Variants in PRTG observed in about 807,000 individuals in gnomAD.
PRTG encodes the protein protogenin.
Under a neutral mutation model 122.5 loss-of-function variants are expected in PRTG, and 67 were observed. The ratio of observed to expected loss-of-function variants is 0.55; its 90% CI spans 0.45 to 0.67. The LOEUF (loss-of-function observed/expected upper bound fraction) is 0.67. Among genes scored for constraint, PRTG ranks in the 30% least tolerant of loss-of-function variants. The pLI, the probability that PRTG is intolerant of heterozygous loss-of-function variation, is 0.00. For synonymous variants in PRTG, 554 were observed against 501.1 expected, an observed-to-expected ratio of 1.11 and a Z score of -1.41; for missense variants, 1,435 against 1,415.4, an observed-to-expected ratio of 1.01 and a Z score of -0.22.
At chr15:55,682,677 G>A (rs1411060648) in intron 3 of PRTG, among the ~76,000 whole-genome samples, 180 bp from the exon 4 acceptor site, 3 of 151,696 alleles carry the variant, frequency 2.0e-5, no homozygotes, top group Non-Finnish European at 2.9e-5. Context: ...CGATTCTCCC[G>A]CCTCAGCCTA....
intron 11 of PRTG, among the ~76,000 whole-genome samples, chr15:55,667,016 A>G (rs1388524231): frequency 6.6e-6 from 1 of 152,168 alleles, no homozygotes; most frequent in Non-Finnish European, 1.5e-5. Flanking sequence ...ATAATAGAAC[A>G]TTGTAAATGA....
chr15:55,639,299 C>T (rs2059276218), intron 13 of PRTG, among the ~76,000 whole-genome samples: 1 of 152,136 alleles, frequency 6.6e-6, no homozygotes, highest in African/African-American at 2.4e-5. Context: ...AACAGAAAGA[C>T]AACTGGCCCT....
intron 11 of PRTG, among the ~76,000 whole-genome samples, chr15:55,648,990 G>T (rs1482420521): frequency 2.6e-5 from 4 of 151,734 alleles, no homozygotes; most frequent in Admixed American, 2.0e-4. Flanking sequence ...CCAGCTACAC[G>T]GGAGGCCAAC....
At chr15:55,724,212 G>A (rs1447185512) in intron 2 of PRTG, among the ~76,000 whole-genome samples, 1 of 152,008 alleles carries the variant, frequency 6.6e-6, no homozygotes, top group Non-Finnish European at 1.5e-5. Flanking sequence ...ATGTCTGTTC[G>A]ATCTGTTATT....
At chr15:55,644,531 G>T (rs964702011) in intron 11 of PRTG, among the ~76,000 whole-genome samples, 7 of 152,068 alleles carry the variant, frequency 4.6e-5, no homozygotes, top group African/African-American at 1.7e-4. Flanking sequence ...AAACTTTTCT[G>T]TTGGTCAGAC....
At chr15:55,621,074 C>T (rs1332622912) in intron 18 of PRTG, among the ~76,000 whole-genome samples, 1 of 152,144 alleles carries the variant, frequency 6.6e-6, no homozygotes, top group African/African-American at 2.4e-5. Flanking sequence ...GGCAGTACGG[C>T]TGGGCACAGT....
At chr15:55,635,665 A>G (rs1258066165) in intron 15 of PRTG, among the ~76,000 whole-genome samples, 1 of 152,220 alleles carries the variant, frequency 6.6e-6, no homozygotes, top group Non-Finnish European at 1.5e-5. Context: ...GCTTCCGCTT[A>G]ATGAAAAATA....
intron 15 of PRTG, among the ~76,000 whole-genome samples, chr15:55,630,902 C>A (rs958348377): frequency 6.6e-6 from 1 of 152,088 alleles, no homozygotes; most frequent in Non-Finnish European, 1.5e-5. Flanking sequence ...AAAGAGTTTA[C>A]AATAGTTTGT....
At chr15:55,703,801 C>A (rs1261670608) in intron 2 of PRTG, among the ~76,000 whole-genome samples, 1 of 152,208 alleles carries the variant, frequency 6.6e-6, no homozygotes, top group Non-Finnish European at 1.5e-5. Context: ...ATGGCACTCT[C>A]ATAATCTAGA....
At chr15:55,733,029 G>A (rs2031289769) in intron 2 of PRTG, among the ~76,000 whole-genome samples, 1 of 151,888 alleles carries the variant, frequency 6.6e-6, no homozygotes, top group Non-Finnish European at 1.5e-5. Flanking sequence ...GGTCACATGG[G>A]GAAACCCCAT....
chr15:55,648,761 A>G (rs974644327), intron 11 of PRTG, among the ~76,000 whole-genome samples: 1 of 152,244 alleles, frequency 6.6e-6, no homozygotes, highest in Admixed American at 6.5e-5. Flanking sequence ...GCTATCTTGG[A>G]TAAGTATTTG....
At position 55,615,611 on chromosome 15, in the gene PRTG, T is replaced by G. The variant is rs191973278; in HGVS notation, c.*4401A>C. 8 of 152,260 alleles carry G rather than the reference T, an allele frequency of 5.3e-5. No homozygotes were observed. In the East Asian group the frequency reaches 1.5e-3, roughly 29 times the overall value. 9.4% of individuals were successfully genotyped at this position (152,260 alleles called of 1,614,324 possible). The stretch of plus-strand genomic sequence containing the variant: ...CAGTGCTCACAAACTGCAAAGATTA[T>G]TTTGACTATTAAACCAACAGAATCT... On this transcript the variant is annotated 3_prime_UTR_variant, in exon 20 of 20. Coordinates refer to ENST00000389286, the MANE Select transcript of PRTG (RefSeq NM_173814.6).
At chr15:55,685,214 C>G (rs971743962) in intron 2 of PRTG, among the ~76,000 whole-genome samples, 1 of 152,068 alleles carries the variant, frequency 6.6e-6, no homozygotes, top group Non-Finnish European at 1.5e-5. Context: ...CTTCATTAGG[C>G]TGAAAAGGGT....
intron 6 of PRTG, 166 bp from the exon 7 acceptor site, chr15:55,679,611 A>T (rs1374047638): frequency 1.8e-6 from 1 of 552,808 alleles, no homozygotes; most frequent in East Asian, 3.0e-5. Context: ...TTTTCTCGGC[A>T]TTGCTCAGTG....
intron 11 of PRTG, among the ~76,000 whole-genome samples, chr15:55,649,162 G>A (rs1394388858): frequency 6.6e-6 from 1 of 151,996 alleles, no homozygotes; most frequent in African/African-American, 2.4e-5. Context: ...CCTCTACAGT[G>A]AGTGGATGCT....
intron 2 of PRTG, among the ~76,000 whole-genome samples, chr15:55,736,216 C>G (rs1418132628): frequency 1.3e-5 from 2 of 152,080 alleles, no homozygotes; most frequent in Non-Finnish European, 2.9e-5. Flanking sequence ...AATAGGCACG[C>G]AGGTAAGAGA....
At chr15:55,729,907 C>T (rs1293432561) in intron 2 of PRTG, among the ~76,000 whole-genome samples, 1 of 152,020 alleles carries the variant, frequency 6.6e-6, no homozygotes, top group Non-Finnish European at 1.5e-5. Context: ...CCTCCATGCA[C>T]GGAGGATATA....
rs532379614 is a variant in PRTG at position 55,672,454 on chromosome 15, T to A, written c.2032A>T (p.Ser678Cys). The change falls in exon 11 of 20, where the codon AGT becomes TGT. Residue 678 changes from serine to cysteine, a missense_variant. Ser to Cys is a moderately radical substitution (Grantham distance 112). Coordinates refer to ENST00000389286, the MANE Select transcript of PRTG (RefSeq NM_173814.6). ...LDTKDLLYTL[S>C]GLDPRRKYHV... is the part of the protein sequence containing the mutation. ...GTACAAACTCACTCACCTAAGCCAC[T>A]GAGAGTATAGAGTAGGTCCTTGGTA... The A allele has an allele frequency of 6.2e-7, 1 of 1,612,912 alleles. No homozygotes were observed. The highest frequency in any genetic ancestry group is 1.3e-5 in the African/African-American group (1 of 75,006).
rs2059584685 is a variant in PRTG, at chr15:55,688,800, C to G, written c.398-4869G>C. ...AGTGAGCTGAGATCGTGCCACTGCACTCCCGCCTGGTGACAGAGCGAGACT... is the reference window on the plus strand; with the variant it reads ...AGTGAGCTGAGATCGTGCCACTGCAGTCCCGCCTGGTGACAGAGCGAGACT... On this transcript the variant is annotated intron_variant, in intron 2 of 19. Coordinates refer to ENST00000389286, the MANE Select transcript of PRTG (RefSeq NM_173814.6). Among the ~76,000 whole-genome samples the G allele has an allele frequency of 2.0e-5, 3 of 152,300 alleles. 1 individual carries two copies. In the South Asian group the frequency reaches 6.2e-4, roughly 32 times the overall value.
Sources: allele counts gnomAD v4.1 joint callset (sites outside exome capture counted in the v4.1 genomes callset), GRCh38; gene constraint gnomAD v4.1.1; transcripts MANE v1.5; gene names NCBI Gene and HGNC (gene_info 2026-07-23, HGNC 2026-07-21).